Variants in ZHX3 observed in about 807,000 individuals in gnomAD.
The protein encoded by ZHX3 is zinc fingers and homeoboxes protein 3.
ZHX3 carries 20 observed loss-of-function variants against 64.5 expected under a neutral mutation model. The ratio of observed to expected loss-of-function variants is 0.31; its 90% CI spans 0.22 to 0.45. The LOEUF is 0.45. Among genes scored for constraint, ZHX3 ranks in the 20% least tolerant of loss-of-function variants. The pLI is 1.00. For synonymous variants in ZHX3, 423 were observed against 461.6 expected, an observed-to-expected ratio of 0.92 and a Z score of 1.07; for missense variants, 1,041 against 1,195.8, an observed-to-expected ratio of 0.87 and a Z score of 1.91.
At chr20:41,260,274 A>T (rs563512776) in intron 2 of ZHX3, among the ~76,000 whole-genome samples, 1 of 152,332 alleles carries the variant, frequency 6.6e-6, no homozygotes, top group East Asian at 1.9e-4. Flanking sequence ...GAAATAAGGT[A>T]GGCATATATA....
rs1224541163 is a variant in ZHX3 at position 41,181,745 on chromosome 20, G to C, written c.*3446C>G. 1.3e-5 allele frequency: 2 copies of C among 152,274 alleles called. No homozygotes were observed. The highest frequency in any genetic ancestry group is 4.8e-5 in the African/African-American group (2 of 41,468). 9.4% of individuals were successfully genotyped at this position (152,274 alleles called of 1,614,324 possible). A position where few individuals can be genotyped will look rare whatever the true frequency, so the allele number is the denominator to read the frequency against. ...CACATCTCAGGCTACGGAATAGAGA[G>C]ATTTCCTGGTGGGACGGCCTCCCAA... On this transcript the variant is annotated 3_prime_UTR_variant, in exon 4 of 4. Coordinates refer to ENST00000683867, the MANE Select transcript of ZHX3 (RefSeq NM_001384317.1).
At chr20:41,274,207 G>C (rs1006720257) in intron 1 of ZHX3, among the ~76,000 whole-genome samples, 5 of 152,146 alleles carry the variant, frequency 3.3e-5, no homozygotes, top group African/African-American at 1.2e-4. Context: ...AGAACTTAAG[G>C]ATTTTCATTT....
chr20:41,302,060 A>C (rs1253804814), intron 1 of ZHX3, among the ~76,000 whole-genome samples: 1 of 87,746 alleles, frequency 1.1e-5, no homozygotes, highest in Non-Finnish European at 2.4e-5. Flanking sequence ...TCTCAAAAAA[A>C]AAAAAAAAAA....
intron 1 of ZHX3, among the ~76,000 whole-genome samples, chr20:41,286,704 C>G (rs906459366): frequency 4.6e-5 from 7 of 152,316 alleles, no homozygotes; most frequent in African/African-American, 1.7e-4. Flanking sequence ...TCTCTTCTCC[C>G]CTTGATTACT....
chr20:41,302,035 C>CGGA (rs1271995348), intron 1 of ZHX3, among the ~76,000 whole-genome samples: 1 of 120,954 alleles, frequency 8.3e-6, no homozygotes, highest in Admixed American at 1.1e-4. Context: ...GCCTGGGCGA[C>CGGA]GGAGCGAGAC....
intron 1 of ZHX3, among the ~76,000 whole-genome samples, chr20:41,292,867 A>G (rs1193285257): frequency 9.9e-5 from 15 of 152,264 alleles, no homozygotes; most frequent in Admixed American, 9.2e-4. Context: ...TCAGATGTCC[A>G]GATGACAAGA....
intron 3 of ZHX3, among the ~76,000 whole-genome samples, chr20:41,189,109 T>C (rs769206090): frequency 2.0e-5 from 3 of 152,228 alleles, no homozygotes; most frequent in Admixed American, 6.5e-5. Flanking sequence ...CCTTTCCTCA[T>C]TGCATGTTCT....
intron 2 of ZHX3, among the ~76,000 whole-genome samples, chr20:41,240,359 A>T (rs2041298045): frequency 6.6e-6 from 1 of 152,192 alleles, no homozygotes; most frequent in South Asian, 2.1e-4. Context: ...AACTTACTGC[A>T]AAGAGTAGTA....
intron 2 of ZHX3, among the ~76,000 whole-genome samples, chr20:41,245,798 A>G (rs1392905139): frequency 6.6e-6 from 1 of 152,224 alleles, no homozygotes; most frequent in East Asian, 1.9e-4. Flanking sequence ...TAATACAGTA[A>G]TCTTAAGATT....
In ZHX3 at chr20:41,183,875, G is replaced by A. The variant is rs2036332395; in HGVS notation, c.*1316C>T. On this transcript the variant is annotated 3_prime_UTR_variant, in exon 4 of 4. Coordinates refer to ENST00000683867, the MANE Select transcript of ZHX3 (RefSeq NM_001384317.1). This position sits in a 1 kb window ranked among gnomAD's most constrained non-coding sequence, Gnocchi z 5.3. ...CTAATTTTCAAAGGCACCATTTCCT[G>A]TAATTTTCTCAATTCAAAAAAGGAC... 1 of 152,230 alleles carries A rather than the reference G, an allele frequency of 6.6e-6. No individual in the cohort carries two copies. Among genetic ancestry groups the A allele is most frequent in the Non-Finnish European group, 1.5e-5 (1 of 68,042 alleles). 9.4% of individuals were successfully genotyped at this position (152,230 alleles called of 1,614,324 possible). A position where few individuals can be genotyped will look rare whatever the true frequency, so the allele number is the denominator to read the frequency against.
At chr20:41,222,019 G>T (rs1401655080) in intron 2 of ZHX3, among the ~76,000 whole-genome samples, 1 of 152,230 alleles carries the variant, frequency 6.6e-6, no homozygotes, top group Non-Finnish European at 1.5e-5. Context: ...TTGAGCAGAA[G>T]GTTGGCGTCA....
intron 2 of ZHX3, among the ~76,000 whole-genome samples, chr20:41,261,051 T>G (rs1412996047): frequency 6.6e-6 from 1 of 152,252 alleles, no homozygotes; most frequent in East Asian, 1.9e-4. Flanking sequence ...AGAAGGAAAC[T>G]ACTTTCAGCA....
At chr20:41,207,336 A>G (rs1294517000) in intron 2 of ZHX3, among the ~76,000 whole-genome samples, 1 of 152,230 alleles carries the variant, frequency 6.6e-6, no homozygotes, top group Non-Finnish European at 1.5e-5. Context: ...TAAATGCACC[A>G]AGCAGACCTA....
rs761292414 is a variant in ZHX3, at chr20:41,185,161, G to A, written c.*30C>T. 2 of 1,606,436 alleles carry A rather than the reference G, an allele frequency of 1.2e-6. No individual in the cohort carries two copies. The highest frequency in any genetic ancestry group is 1.3e-5 in the African/African-American group (1 of 74,942). On this transcript the variant is annotated 3_prime_UTR_variant, in exon 4 of 4. Transcript: ENST00000683867. This position sits in a 1 kb window ranked among gnomAD's most constrained non-coding sequence, Gnocchi z 5.0. ...CACGTGGCAGGCGGTTTCCCAGACT[G>A]GCCAGTCCTTCACATTAATCAGATC...
chr20:41,274,249 A>G (rs2043280385), intron 1 of ZHX3, among the ~76,000 whole-genome samples: 2 of 152,350 alleles, frequency 1.3e-5, no homozygotes, highest in African/African-American at 2.4e-5. Context: ...CATTATCTTC[A>G]GTTCCCAGTA....
intron 2 of ZHX3, among the ~76,000 whole-genome samples, chr20:41,245,807 T>C (rs1456816204): frequency 6.6e-6 from 1 of 152,176 alleles, no homozygotes; most frequent in Non-Finnish European, 1.5e-5. Flanking sequence ...AATCTTAAGA[T>C]TGAGATACTT....
At chr20:41,268,812 T>C (rs1268254934) in intron 2 of ZHX3, among the ~76,000 whole-genome samples, 178 bp downstream of exon 2, 4 of 152,128 alleles carry the variant, frequency 2.6e-5, no homozygotes. Context: ...CAAAAAAGAA[T>C]CATTTGATCA....
In ZHX3 at chr20:41,201,186, C is replaced by T. The variant is rs2038187976; in HGVS notation, c.2860+871G>A. 2.2e-5 allele frequency: 18 copies of T among 808,490 alleles called. No homozygotes were observed. Among genetic ancestry groups the T allele is most frequent in the Middle Eastern group, 3.2e-4 (1 of 3,114 alleles). 50.1% of individuals were successfully genotyped at this position (808,490 alleles called of 1,614,324 possible). On this transcript the variant is annotated intron_variant, in intron 3 of 3. Coordinates refer to ENST00000683867, the MANE Select transcript of ZHX3 (RefSeq NM_001384317.1). The surrounding 1 kb of genome is among the most constrained non-coding windows in gnomAD (Gnocchi z 5.0). ...TGCCCAACACCACAAATAGTGTCTC[C>T]TGTACCCCCTCCCACATTGCCAACT...
intron 2 of ZHX3, among the ~76,000 whole-genome samples, chr20:41,266,104 G>A (rs1387881281): frequency 6.6e-6 from 1 of 152,186 alleles, no homozygotes; most frequent in East Asian, 1.9e-4. Flanking sequence ...TCATATGTAA[G>A]ATAAATTTCT....
Sources: allele counts gnomAD v4.1 joint callset (sites outside exome capture counted in the v4.1 genomes callset), GRCh38; gene constraint gnomAD v4.1.1; non-coding constraint Gnocchi (gnomAD v3.1); transcripts MANE v1.5; gene names NCBI Gene and HGNC (gene_info 2026-07-23, HGNC 2026-07-21).